GRM7: variants seen among roughly 807,000 people sequenced by gnomAD.
GRM7 encodes metabotropic glutamate receptor 7.
Under a neutral mutation model 84.5 loss-of-function variants are expected in GRM7, and 35 were observed. That is an observed-to-expected ratio of 0.41 (90% CI 0.32 to 0.55). The LOEUF (loss-of-function observed/expected upper bound fraction) is 0.55. Among genes scored for constraint, GRM7 ranks in the 20% least tolerant of loss-of-function variants. The pLI is 0.19. For missense variants in GRM7, 1,003 were observed against 1,194.6 expected, an observed-to-expected ratio of 0.84 and a Z score of 2.36; for synonymous variants, 487 against 455.1, an observed-to-expected ratio of 1.07 and a Z score of -0.89.
At chr3:7,201,215 C>T (rs141102432) in intron 2 of GRM7, among the ~76,000 whole-genome samples, 266 of 152,030 alleles carry the variant, frequency 1.7e-3, no homozygotes, top group African/African-American at 6.1e-3. Flanking sequence ...GTGATCTGCC[C>T]GCCTCGGCCT....
intron 1 of GRM7, among the ~76,000 whole-genome samples, chr3:6,897,480 CAGCCATTAGAGTGACCTTG>C (rs1303806015): frequency 6.6e-6 from 1 of 152,324 alleles, no homozygotes; most frequent in East Asian, 1.9e-4. Flanking sequence ...AAACTCCACT[CAGCCATTAGAGTGACCTTG>C]AGCAAGTTAC....
chr3:7,699,911 A>G (rs1490265344), intron 9 of GRM7, among the ~76,000 whole-genome samples: 3 of 152,180 alleles, frequency 2.0e-5, no homozygotes, highest in Non-Finnish European at 2.9e-5. Context: ...TGGACCTGGC[A>G]TAACTCTGAA....
At chr3:7,123,249 A>G (rs1404011052) in intron 1 of GRM7, among the ~76,000 whole-genome samples, 1 of 152,210 alleles carries the variant, frequency 6.6e-6, no homozygotes, top group Non-Finnish European at 1.5e-5. Context: ...AGGGTGACCA[A>G]TGATGGGGAG....
intron 1 of GRM7, among the ~76,000 whole-genome samples, chr3:7,013,203 A>G (rs1242202989): frequency 6.6e-6 from 1 of 152,042 alleles, no homozygotes. Flanking sequence ...GGCCCCTGTG[A>G]CATGTCAAAA....
At chr3:7,271,562 T>TAAAAA (rs71063298) in intron 2 of GRM7, among the ~76,000 whole-genome samples, 92 of 88,756 alleles carry the variant, frequency 1.0e-3, no homozygotes, top group Non-Finnish European at 1.4e-3. Flanking sequence ...CCGCCTCAAA[T>TAAAAA]AAAAAAAAAA....
chr3:7,080,436 G>A (rs182302575), intron 1 of GRM7, among the ~76,000 whole-genome samples: 1 of 152,114 alleles, frequency 6.6e-6, no homozygotes, highest in East Asian at 1.9e-4. Context: ...GGACCTTCAA[G>A]TGAGGTTTTC....
chr3:7,451,304 C>A (rs1194128074), intron 5 of GRM7, among the ~76,000 whole-genome samples: 4 of 152,122 alleles, frequency 2.6e-5, no homozygotes, highest in African/African-American at 9.7e-5. Flanking sequence ...AGAAAAATGT[C>A]TTGGACACCT....
chr3:7,478,748 G>A (rs1699021819), intron 7 of GRM7, among the ~76,000 whole-genome samples: 1 of 152,018 alleles, frequency 6.6e-6, no homozygotes, highest in African/African-American at 2.4e-5. Context: ...TAGTGTGAAG[G>A]CATTTTAGTA....
At position 7,125,303 on chromosome 3, in the gene GRM7, G is replaced by C. The variant is rs983112606; in HGVS notation, c.520-21149G>C. Among the ~76,000 whole-genome samples, 4 of 152,146 alleles carry C rather than the reference G, an allele frequency of 2.6e-5. 1 individual carries two copies. Among genetic ancestry groups the C allele is most frequent in the Non-Finnish European group, 2.9e-5 (2 of 68,012 alleles). ...GTCACTCAATAGACTGAGGCAGGAGGATCACCTAAGCCTAAGAGATGGAGG... is the reference window on the plus strand; with the variant it reads ...GTCACTCAATAGACTGAGGCAGGAGCATCACCTAAGCCTAAGAGATGGAGG... On this transcript the variant is annotated intron_variant, in intron 1 of 9. Transcript: ENST00000357716.
In GRM7 at chr3:7,586,674, G is replaced by A. The variant is rs529235586; in HGVS notation, c.2451+7317G>A. Among the ~76,000 whole-genome samples, 12 of 152,206 alleles carry A rather than the reference G, an allele frequency of 7.9e-5. 1 individual carries two copies. In the East Asian group the frequency reaches 2.1e-3, roughly 27 times the overall value. ...AATACAAGAATTAGCCAGGCATGGT[G>A]GTGTGCATCTGTAAACCCAGCTACT... On this transcript the variant is annotated intron_variant, in intron 8 of 9. Transcript: ENST00000357716.
chr3:6,943,324 G>A (rs1374632570), intron 1 of GRM7, among the ~76,000 whole-genome samples: 1 of 151,730 alleles, frequency 6.6e-6, no homozygotes, highest in African/African-American at 2.4e-5. Context: ...TGATTTAGAT[G>A]TTTTATAGTT....
intron 2 of GRM7, among the ~76,000 whole-genome samples, chr3:7,254,690 G>C (rs1032895075): frequency 9.2e-5 from 14 of 152,210 alleles, no homozygotes; most frequent in African/African-American, 3.4e-4. Context: ...GACCTCTGCT[G>C]CAGAGTCATA....
chr3:7,681,826 T>C (rs1286709057), intron 9 of GRM7: 2 of 152,174 alleles, frequency 1.3e-5, no homozygotes, highest in African/African-American at 4.8e-5. Flanking sequence ...CATAATTATG[T>C]ATAAAAGAGA....
At chr3:7,001,527 T>C (rs1367975768) in intron 1 of GRM7, among the ~76,000 whole-genome samples, 1 of 152,182 alleles carries the variant, frequency 6.6e-6, no homozygotes, top group African/African-American at 2.4e-5. Context: ...ATTTGTAAAC[T>C]GGCAAATAAG....
At chr3:7,245,732 A>T (rs1697733211) in intron 2 of GRM7, among the ~76,000 whole-genome samples, 1 of 152,026 alleles carries the variant, frequency 6.6e-6, no homozygotes, top group South Asian at 2.1e-4. Context: ...GATCCATGAA[A>T]AGGAATGGAG....
intron 7 of GRM7, among the ~76,000 whole-genome samples, chr3:7,548,486 C>G (rs1693280196): frequency 6.6e-6 from 1 of 152,194 alleles, no homozygotes; most frequent in Non-Finnish European, 1.5e-5. Context: ...TCTATAGCAA[C>G]ACAAACAGAC....
chr3:6,933,423 G>A (rs1010855932), intron 1 of GRM7, among the ~76,000 whole-genome samples: 2 of 152,148 alleles, frequency 1.3e-5, no homozygotes, highest in African/African-American at 4.8e-5. Flanking sequence ...CATAGAAGCA[G>A]AAACAGTATT....
At chr3:7,054,856 C>G (rs1330170457) in intron 1 of GRM7, among the ~76,000 whole-genome samples, 1 of 151,846 alleles carries the variant, frequency 6.6e-6, no homozygotes, top group Non-Finnish European at 1.5e-5. Flanking sequence ...TCTGACTCTT[C>G]TTTACAACAA....
intron 7 of GRM7, among the ~76,000 whole-genome samples, chr3:7,499,690 A>G (rs992143543): frequency 2.0e-5 from 3 of 152,134 alleles, no homozygotes; most frequent in Non-Finnish European, 4.4e-5. Flanking sequence ...ACTCTTGAAC[A>G]CTCCCAAGAT....
Sources: allele counts gnomAD v4.1 joint callset (sites outside exome capture counted in the v4.1 genomes callset), GRCh38; gene constraint gnomAD v4.1.1; transcripts MANE v1.5; gene names NCBI Gene and HGNC (gene_info 2026-07-23, HGNC 2026-07-21).